The following CNOT4 variants were observed in gnomAD, a reference collection of about 807,000 sequenced individuals.
The protein encoded by CNOT4 is CCR4-associated factor 4.
CNOT4 carries 8 observed loss-of-function variants against 73.8 expected under a neutral mutation model. The ratio of observed to expected loss-of-function variants is 0.11; its 90% CI spans 0.06 to 0.20. CNOT4 has a LOEUF of 0.20. Among genes scored for constraint, CNOT4 ranks in the 10% least tolerant of loss-of-function variants. The pLI is 1.00. For missense variants in CNOT4, 564 were observed against 883.4 expected, an observed-to-expected ratio of 0.64 and a Z score of 4.58; for synonymous variants, 293 against 321.1, an observed-to-expected ratio of 0.91 and a Z score of 0.94.
Position 135,364,722 on chromosome 7 carries a change from T to C in CNOT4, c.1628-656A>G, listed in dbSNP as rs2129482373. The stretch of plus-strand genomic sequence containing the variant: ...TTCCAACACAGTCTGCCTGCTCTAC[T>C]CCAACAGTTCTACCAATCATTCACA... On this transcript the variant is annotated intron_variant, in intron 10 of 11. Transcript: ENST00000541284. The surrounding 1 kb of genome is among the most constrained non-coding windows in gnomAD (Gnocchi z 4.3). Among the ~76,000 whole-genome samples the C allele has an allele frequency of 6.6e-6, 1 of 152,340 alleles. No individual in the cohort carries two copies. Among genetic ancestry groups the C allele is most frequent in the South Asian group, 2.1e-4 (1 of 4,826 alleles).
intron 1 of CNOT4, among the ~76,000 whole-genome samples, chr7:135,477,737 C>T (rs1802086854): frequency 6.6e-6 from 1 of 152,102 alleles, no homozygotes; most frequent in African/African-American, 2.4e-5. Flanking sequence ...TGGTAACACA[C>T]GCACTTGAAC....
intron 1 of CNOT4, among the ~76,000 whole-genome samples, chr7:135,500,136 C>T (rs1344294786): frequency 6.6e-6 from 1 of 151,818 alleles, no homozygotes; most frequent in Non-Finnish European, 1.5e-5. Flanking sequence ...TTTATAATAA[C>T]AATAAAGAAA....
intron 2 of CNOT4, among the ~76,000 whole-genome samples, chr7:135,427,026 A>G (rs541901522): frequency 1.3e-5 from 2 of 152,324 alleles, no homozygotes; most frequent in East Asian, 1.9e-4. Flanking sequence ...CAAGCAGAAA[A>G]TTTCTCTTTA....
At chr7:135,435,213 C>T (rs999266767) in intron 2 of CNOT4, among the ~76,000 whole-genome samples, 15 of 152,078 alleles carry the variant, frequency 9.9e-5, no homozygotes, top group African/African-American at 3.4e-4. Context: ...TTTCAGTCAC[C>T]TTGCTTCACA....
intron 1 of CNOT4, among the ~76,000 whole-genome samples, chr7:135,480,096 T>A (rs550910588): frequency 2.1e-4 from 32 of 152,356 alleles, no homozygotes; most frequent in Admixed American, 1.8e-3. Flanking sequence ...TTTGAAATTA[T>A]GAGTTTTTCT....
rs1202649458 is a variant in CNOT4 at position 135,364,968 on chromosome 7, A to C, written c.1628-902T>G. Among the ~76,000 whole-genome samples the C allele has an allele frequency of 6.6e-6, 1 of 152,250 alleles. No individual in the cohort carries two copies. The highest frequency in any genetic ancestry group is 1.9e-4 in the East Asian group (1 of 5,206). On this transcript the variant is annotated intron_variant, in intron 10 of 11. Coordinates refer to ENST00000541284, the MANE Select transcript of CNOT4 (RefSeq NM_001190850.2). The surrounding 1 kb of genome is among the most constrained non-coding windows in gnomAD (Gnocchi z 4.3). Reference sequence around the variant, plus strand: ...TAACAAATACTTAGATAGTTGTTTTATTTTTGAAAATAGCAATGTAAGTCA... The same window carrying C: ...TAACAAATACTTAGATAGTTGTTTTCTTTTTGAAAATAGCAATGTAAGTCA...
chr7:135,455,629 C>A (rs749451428), intron 1 of CNOT4, among the ~76,000 whole-genome samples: 2 of 151,510 alleles, frequency 1.3e-5, no homozygotes, highest in Non-Finnish European at 2.9e-5. Flanking sequence ...AATCCCAGCA[C>A]TTTTGGAGGC....
intron 1 of CNOT4, among the ~76,000 whole-genome samples, chr7:135,470,317 A>G (rs1801498159): frequency 6.6e-6 from 1 of 150,874 alleles, no homozygotes; most frequent in Non-Finnish European, 1.5e-5. Context: ...TTTTTTGTAG[A>G]GATGAAGCGT....
chr7:135,488,551 TGTTA>T (rs879484525), intron 1 of CNOT4, among the ~76,000 whole-genome samples: 81 of 152,320 alleles, frequency 5.3e-4, no homozygotes, highest in Non-Finnish European at 9.8e-4. Context: ...TAATAGTGGC[TGTTA>T]GAGTCTAAGT....
At chr7:135,507,212 T>A (rs1804433897) in intron 1 of CNOT4, among the ~76,000 whole-genome samples, 1 of 152,230 alleles carries the variant, frequency 6.6e-6, no homozygotes, top group Non-Finnish European at 1.5e-5. Context: ...GTCATTTGAT[T>A]ATAACTGTCT....
intron 1 of CNOT4, among the ~76,000 whole-genome samples, chr7:135,450,324 CTGTT>C (rs113785675): frequency 2.6e-5 from 4 of 151,842 alleles, no homozygotes; most frequent in African/African-American, 4.8e-5. Context: ...ATTTTTTTTT[CTGTT>C]TGTTTGTTTG....
chr7:135,415,100 C>T, intron 4 of CNOT4, 76 bp downstream of exon 4: 1 of 846,232 alleles, frequency 1.2e-6, no homozygotes, highest in South Asian at 1.5e-5. Flanking sequence ...TCAGAGAGAG[C>T]AAAGTTTCCT....
intron 1 of CNOT4, among the ~76,000 whole-genome samples, chr7:135,473,386 T>G (rs969520455): frequency 6.6e-6 from 1 of 152,128 alleles, no homozygotes; most frequent in African/African-American, 2.4e-5. Flanking sequence ...TAAGAAAAAC[T>G]AATAAACATG....
chr7:135,427,595 G>A (rs1479117901), intron 2 of CNOT4, among the ~76,000 whole-genome samples: 1 of 152,142 alleles, frequency 6.6e-6, no homozygotes, highest in Non-Finnish European at 1.5e-5. Flanking sequence ...TTTAAACCAA[G>A]AGTTATGGAA....
chr7:135,454,182 T>C (rs1354739005), intron 1 of CNOT4, among the ~76,000 whole-genome samples: 4 of 151,950 alleles, frequency 2.6e-5, no homozygotes, highest in African/African-American at 7.2e-5. Context: ...TCACTTCTAT[T>C]ATGACTCAGT....
At chr7:135,458,182 A>G (rs977763310) in intron 1 of CNOT4, among the ~76,000 whole-genome samples, 14 of 152,124 alleles carry the variant, frequency 9.2e-5, no homozygotes, top group African/African-American at 3.4e-4. Context: ...AGTCACACAA[A>G]TTTTTTGGTT....
Position 135,395,796 on chromosome 7 carries a change from G to A in CNOT4, c.967C>T (p.Arg323Trp), listed in dbSNP as rs759333609. The change falls in exon 9 of 12, where the codon CGG becomes TGG. Residue 323 changes from arginine to tryptophan, a missense_variant. Physicochemically the swap from Arg to Trp is moderately radical, Grantham distance 101. Transcript: ENST00000541284. The part of the protein sequence containing the change: ...IPISSSNHSA[R>W]SPFEGAVTES... Reference sequence around the variant, plus strand: ...GTTACTGCCCCTTCAAAAGGGGACCGTGCACTGTGATTGGATGAACTGATG... The same window carrying A: ...GTTACTGCCCCTTCAAAAGGGGACCATGCACTGTGATTGGATGAACTGATG... The A allele has an allele frequency of 8.1e-6, 13 of 1,613,646 alleles. No homozygotes were observed. The highest frequency in any genetic ancestry group is 1.0e-5 in the Non-Finnish European group (12 of 1,179,548).
At chr7:135,460,270 T>G (rs1426392955) in intron 1 of CNOT4, among the ~76,000 whole-genome samples, 2 of 152,248 alleles carry the variant, frequency 1.3e-5, no homozygotes, top group Non-Finnish European at 2.9e-5. Flanking sequence ...AGTTTTCCTT[T>G]GCATTCAGAA....
At position 135,425,642 on chromosome 7, in the gene CNOT4, T is replaced by G. The variant is rs901816238; in HGVS notation, c.175-3289A>C. On this transcript the variant is annotated intron_variant, in intron 2 of 11. Coordinates refer to ENST00000541284, the MANE Select transcript of CNOT4 (RefSeq NM_001190850.2). ...ATTCTACTACAATTTACCCTCCAAA[T>G]ATATCTTATTCCAGTACCTTAAAAG... Among the ~76,000 whole-genome samples, 50 of 152,176 alleles carry G rather than the reference T, an allele frequency of 3.3e-4. 1 individual carries two copies. Among genetic ancestry groups the G allele is most frequent in the African/African-American group, 1.2e-3 (50 of 41,436 alleles).
Sources: allele counts gnomAD v4.1 joint callset (sites outside exome capture counted in the v4.1 genomes callset), GRCh38; gene constraint gnomAD v4.1.1; non-coding constraint Gnocchi (gnomAD v3.1); transcripts MANE v1.5; gene names NCBI Gene and HGNC (gene_info 2026-07-23, HGNC 2026-07-21).